FSTL5: variants seen among roughly 807,000 people sequenced by gnomAD.
FSTL5 encodes the protein follistatin-related protein 5.
FSTL5 carries 62 observed loss-of-function variants against 89.1 expected under a neutral mutation model. The observed-to-expected ratio is 0.70, with a 90% CI of 0.57 to 0.86. FSTL5 has a LOEUF of 0.86. FSTL5 is among the 40% of genes least tolerant of loss of function. The pLI is 0.00. For missense variants in FSTL5, 1,057 were observed against 1,001.6 expected, an observed-to-expected ratio of 1.06 and a Z score of -0.75; for synonymous variants, 383 against 346.2, an observed-to-expected ratio of 1.11 and a Z score of -1.18.
At chr4:162,124,532 T>G (rs937458056) in intron 1 of FSTL5, among the ~76,000 whole-genome samples, 10 of 152,150 alleles carry the variant, frequency 6.6e-5, no homozygotes, top group Non-Finnish European at 1.0e-4. Flanking sequence ...CCGGAAAGCA[T>G]AATGGCTTCT....
intron 7 of FSTL5, among the ~76,000 whole-genome samples, chr4:161,594,897 T>C (rs1167871964): frequency 6.6e-6 from 1 of 152,048 alleles, no homozygotes; most frequent in Non-Finnish European, 1.5e-5. Flanking sequence ...AATTTTATCA[T>C]TTAAACAACT....
At chr4:161,660,204 G>A (rs1481946082) in intron 6 of FSTL5, among the ~76,000 whole-genome samples, 1 of 151,988 alleles carries the variant, frequency 6.6e-6, no homozygotes, top group Non-Finnish European at 1.5e-5. Flanking sequence ...GATTACTTAG[G>A]GAAGTCAAGA....
chr4:161,587,439 A>G lies in FSTL5; in HGVS notation c.1015+16T>C, dbSNP rs1351973429. On this transcript the variant is annotated intron_variant, in intron 8 of 15. Transcript: ENST00000306100. The stretch of plus-strand genomic sequence containing the variant: ...GTGTTCTTTGAATAGTTAGGGTAAC[A>G]AAAATCACTTCTTACCATTCACTTG... 4 of 1,612,292 alleles carry G rather than the reference A, an allele frequency of 2.5e-6. No homozygotes were observed. Among genetic ancestry groups the G allele is most frequent in the South Asian group, 1.1e-5 (1 of 91,038 alleles).
intron 2 of FSTL5, among the ~76,000 whole-genome samples, chr4:162,060,701 G>A (rs889994451): frequency 5.3e-5 from 8 of 150,768 alleles, no homozygotes; most frequent in African/African-American, 2.0e-4. Context: ...CACTTTTATT[G>A]CTTGGTTTTA....
At chr4:161,759,586 A>G (rs1740711340) in intron 5 of FSTL5, 55 bp from the exon 6 acceptor site, 13 of 1,097,622 alleles carry the variant, frequency 1.2e-5, no homozygotes, top group Non-Finnish European at 1.5e-5. Context: ...AATTTCTATA[A>G]TATAATTTAT....
intron 4 of FSTL5, among the ~76,000 whole-genome samples, chr4:161,794,277 C>A (rs1579097844): frequency 6.6e-6 from 1 of 152,090 alleles, no homozygotes; most frequent in East Asian, 1.9e-4. Flanking sequence ...AGATACAGAC[C>A]CAGTTTCAGA....
intron 7 of FSTL5, among the ~76,000 whole-genome samples, chr4:161,597,021 G>A (rs987643310): frequency 1.3e-5 from 2 of 152,142 alleles, no homozygotes; most frequent in African/African-American, 4.8e-5. Flanking sequence ...CTGTGCAGAA[G>A]CTCTTTAGTT....
At chr4:161,546,065 A>C (rs2126549676) in intron 8 of FSTL5, among the ~76,000 whole-genome samples, 1 of 151,762 alleles carries the variant, frequency 6.6e-6, no homozygotes, top group Admixed American at 6.6e-5. Context: ...TCAACTAGAA[A>C]TGCTATATTT....
chr4:161,843,148 T>C (rs17041650), intron 4 of FSTL5, among the ~76,000 whole-genome samples: 14,109 of 152,204 alleles, frequency 0.093, 845 homozygotes, highest in African/African-American at 0.17. Context: ...TATAAATTGT[T>C]ATGCTACTTA....
rs72973191 is a variant in FSTL5, at chr4:161,437,934, A to T, written c.1841+17070T>A. On this transcript the variant is annotated intron_variant, in intron 15 of 15. Coordinates refer to ENST00000306100, the MANE Select transcript of FSTL5 (RefSeq NM_020116.5). ...AAGTAAGAAGACTCGGGAGTGATAC[A>T]ATTGAGACGGAAGACTTACTCCTCC... 2.2e-3 allele frequency among the ~76,000 whole-genome samples: 341 copies of T among 152,266 alleles called. 1 individual carries two copies. The highest frequency in any genetic ancestry group is 7.8e-3 in the African/African-American group (325 of 41,562).
In FSTL5 at chr4:161,944,567, A is replaced by T. The variant is rs192730447; in HGVS notation, c.161-23915T>A. Among the ~76,000 whole-genome samples, 6 of 152,030 alleles carry T rather than the reference A, an allele frequency of 3.9e-5. 1 individual carries two copies. Among genetic ancestry groups the T allele is most frequent in the Admixed American group, 2.6e-4 (4 of 15,252 alleles). On this transcript the variant is annotated intron_variant, in intron 3 of 15. Coordinates refer to ENST00000306100, the MANE Select transcript of FSTL5 (RefSeq NM_020116.5). ...TCAAATGATGTCAGACTATGCTATA[A>T]TATTATTTATCATAGAGTTGTACAG... is the stretch of plus-strand genomic sequence containing the variant.
intron 7 of FSTL5, among the ~76,000 whole-genome samples, chr4:161,629,504 G>A (rs1735428670): frequency 6.6e-6 from 1 of 151,910 alleles, no homozygotes; most frequent in Non-Finnish European, 1.5e-5. Flanking sequence ...CACCACACCT[G>A]GCTAAGTTTT....
rs1419674004 is a variant in FSTL5 at position 161,593,834 on chromosome 4, G to GT, written c.895-6260dup. Among the ~76,000 whole-genome samples the GT allele has an allele frequency of 9.2e-5, 14 of 152,128 alleles. No individual in the cohort carries two copies. The East Asian group carries it at 2.5e-3, about 27-fold the overall frequency. ...TTTGGAGCTTGAACCTCCACAAAAA[G>GT]TAACTACTGATACAAACTCCATAAC... On this transcript the variant is annotated intron_variant, in intron 7 of 15. Coordinates refer to ENST00000306100, the MANE Select transcript of FSTL5 (RefSeq NM_020116.5).
intron 3 of FSTL5, chr4:162,022,946 G>A (rs929105282): frequency 5.9e-5 from 9 of 152,174 alleles, no homozygotes; most frequent in African/African-American, 1.9e-4. Context: ...GATGGGAGGA[G>A]GAGGATGATG....
chr4:161,985,978 T>C (rs894051972), intron 3 of FSTL5, among the ~76,000 whole-genome samples: 1 of 152,152 alleles, frequency 6.6e-6, no homozygotes, highest in Non-Finnish European at 1.5e-5. Flanking sequence ...TTATTTAAGC[T>C]GCACTTTTTA....
At chr4:161,523,070 G>A (rs1013901847) in intron 10 of FSTL5, among the ~76,000 whole-genome samples, 2 of 151,924 alleles carry the variant, frequency 1.3e-5, no homozygotes, top group African/African-American at 2.4e-5. Flanking sequence ...TATAACATTG[G>A]ATCCACTAAA....
chr4:161,405,211 C>T lies in FSTL5; in HGVS notation c.1842-18762G>A, dbSNP rs138773517. 5.3e-4 allele frequency among the ~76,000 whole-genome samples: 78 copies of T among 146,282 alleles called. 2 individuals are homozygous for T. The East Asian group carries it at 0.014, about 26-fold the overall frequency. ...TCATGCTACTGCACTCTGGCCTGGA[C>T]AACAAGAGTGAAACTTTGTCTCAAA... On this transcript the variant is annotated intron_variant, in intron 15 of 15. Coordinates refer to ENST00000306100, the MANE Select transcript of FSTL5 (RefSeq NM_020116.5).
intron 4 of FSTL5, among the ~76,000 whole-genome samples, chr4:161,789,615 A>G (rs893984947): frequency 1.3e-5 from 2 of 152,144 alleles, no homozygotes; most frequent in African/African-American, 4.8e-5. Context: ...TGATTATAAC[A>G]TCTGCCTCGT....
intron 3 of FSTL5, among the ~76,000 whole-genome samples, chr4:162,026,071 T>C (rs923144632): frequency 4.6e-5 from 7 of 150,662 alleles, no homozygotes; most frequent in Non-Finnish European, 8.9e-5. Context: ...GGAAATGTGA[T>C]AGAATGTATA....
Sources: gnomAD v4.1 joint callset for allele counts (sites outside exome capture counted in the v4.1 genomes callset) on GRCh38, gnomAD v4.1.1 for gene constraint, MANE v1.5 for transcripts, NCBI Gene and HGNC (gene_info 2026-07-23, HGNC 2026-07-21) for gene names.